PRKCH: variants seen among roughly 807,000 people sequenced by gnomAD.
PRKCH encodes the protein protein kinase C eta type.
Under a neutral mutation model 82.5 loss-of-function variants are expected in PRKCH, and 28 were observed. That is an observed-to-expected ratio of 0.34 (90% CI 0.25 to 0.47). The LOEUF (loss-of-function observed/expected upper bound fraction) is 0.47, where lower values mean the gene tolerates loss of function less well. Among genes scored for constraint, PRKCH ranks in the 20% least tolerant of loss-of-function variants. The pLI, the probability that PRKCH is intolerant of heterozygous loss-of-function variation, is 1.00. For synonymous variants in PRKCH, 322 were observed against 327.4 expected (o/e 0.98, Z 0.18); for missense variants, 705 against 881.8 (o/e 0.80, Z 2.54).
At chr14:61,376,751 G>A (rs1219861068) in intron 1 of PRKCH, among the ~76,000 whole-genome samples, 1 of 152,136 alleles carries the variant, frequency 6.6e-6, no homozygotes, top group Non-Finnish European at 1.5e-5. Flanking sequence ...ACTGTTGCTA[G>A]CCTAATTATT....
intron 1 of PRKCH, among the ~76,000 whole-genome samples, chr14:61,217,737 A>G (rs2044625479): frequency 6.6e-6 from 1 of 152,220 alleles, no homozygotes; most frequent in Admixed American, 6.5e-5. Context: ...TGAAAGAATG[A>G]AAACATTGTC....
At chr14:61,343,019 T>C (rs1180745107) in intron 1 of PRKCH, among the ~76,000 whole-genome samples, 1 of 152,186 alleles carries the variant, frequency 6.6e-6, no homozygotes, top group African/African-American at 2.4e-5. Context: ...GGATCCGATA[T>C]TGTTCTGAAA....
chr14:61,476,461 C>G (rs188104085), intron 9 of PRKCH: 1 of 152,350 alleles, frequency 6.6e-6, no homozygotes, highest in African/African-American at 2.4e-5. Flanking sequence ...GACTTGTGCT[C>G]TGACTCTGCT....
At chr14:61,401,301 T>C (rs139035103) in intron 2 of PRKCH, among the ~76,000 whole-genome samples, 4 of 152,350 alleles carry the variant, frequency 2.6e-5, no homozygotes, top group African/African-American at 9.6e-5. Flanking sequence ...ATAGGTATGA[T>C]AGCTCTATTT....
intron 1 of PRKCH, among the ~76,000 whole-genome samples, chr14:61,308,194 T>C (rs1436749104): frequency 6.6e-6 from 1 of 152,194 alleles, no homozygotes; most frequent in African/African-American, 2.4e-5. Context: ...ATATAATGCA[T>C]TGAGTCTCTG....
intron 1 of PRKCH, among the ~76,000 whole-genome samples, chr14:61,352,442 C>T (rs2046089789): frequency 6.6e-6 from 1 of 151,918 alleles, no homozygotes; most frequent in Non-Finnish European, 1.5e-5. Context: ...GCAGATGGAT[C>T]ATTTGAGGGC....
intron 4 of PRKCH, among the ~76,000 whole-genome samples, 170 bp downstream of exon 4, chr14:61,445,896 A>G (rs1884197436): frequency 1.3e-5 from 2 of 152,200 alleles, no homozygotes; most frequent in Admixed American, 6.5e-5. Flanking sequence ...GATCTTGGCC[A>G]TATTTTAGAC....
At chr14:61,287,989 C>T (rs2045329817) in intron 1 of PRKCH, among the ~76,000 whole-genome samples, 1 of 152,094 alleles carries the variant, frequency 6.6e-6, no homozygotes, top group Non-Finnish European at 1.5e-5. Flanking sequence ...TCTTACGTAT[C>T]AGGTAAATAA....
At chr14:61,389,516 T>TCTCTAC (rs1306155334) in intron 1 of PRKCH, among the ~76,000 whole-genome samples, 1 of 151,850 alleles carries the variant, frequency 6.6e-6, no homozygotes, top group Non-Finnish European at 1.5e-5. Context: ...TGAGACCTTG[T>TCTCTAC]CTCTACATAC....
intron 10 of PRKCH, among the ~76,000 whole-genome samples, chr14:61,521,089 C>T (rs1265398213): frequency 6.6e-6 from 1 of 152,102 alleles, no homozygotes; most frequent in Non-Finnish European, 1.5e-5. Context: ...ATGTCCAAGA[C>T]AATTGTTGAG....
intron 1 of PRKCH, among the ~76,000 whole-genome samples, chr14:61,267,569 T>A (rs2045114613): frequency 6.6e-6 from 1 of 152,222 alleles, no homozygotes; most frequent in East Asian, 1.9e-4. Flanking sequence ...AGGAGCTGAT[T>A]CATGTTGGCA....
intron 1 of PRKCH, among the ~76,000 whole-genome samples, chr14:61,196,398 G>T (rs974978719): frequency 6.6e-6 from 1 of 152,128 alleles, no homozygotes; most frequent in African/African-American, 2.4e-5. Context: ...TTAGGTAATT[G>T]CTTTACATAT....
intron 12 of PRKCH, among the ~76,000 whole-genome samples, chr14:61,546,589 G>A (rs930298707): frequency 1.3e-5 from 2 of 152,160 alleles, no homozygotes; most frequent in African/African-American, 4.8e-5. Context: ...GGCAGTGGGA[G>A]GTACCTCCAA....
At chr14:61,443,606 C>T (rs1045906369) in intron 3 of PRKCH, among the ~76,000 whole-genome samples, 1 of 152,150 alleles carries the variant, frequency 6.6e-6, no homozygotes, top group Non-Finnish European at 1.5e-5. Context: ...AAAGAATAAT[C>T]AACAGTATTG....
intron 1 of PRKCH, among the ~76,000 whole-genome samples, chr14:61,327,933 A>G (rs546678154): frequency 8.5e-5 from 13 of 152,368 alleles, no homozygotes; most frequent in Admixed American, 2.0e-4. Context: ...AAATCAATCA[A>G]TGACATACCA....
At chr14:61,222,458 A>G (rs2044663079) in intron 1 of PRKCH, among the ~76,000 whole-genome samples, 1 of 152,138 alleles carries the variant, frequency 6.6e-6, no homozygotes, top group Non-Finnish European at 1.5e-5. Flanking sequence ...ACTCCCTCAT[A>G]TCCATGGACT....
At chr14:61,458,022 T>C (rs1884858911) in intron 9 of PRKCH, among the ~76,000 whole-genome samples, 1 of 152,216 alleles carries the variant, frequency 6.6e-6, no homozygotes, top group African/African-American at 2.4e-5. Context: ...GGGCTCATTG[T>C]CTTGATGAAT....
Position 61,215,892 on chromosome 14 carries a change from C to A in PRKCH, c.-19+28224C>A, listed in dbSNP as rs1327367588. On this transcript the variant is annotated intron_variant, in intron 1 of 3. Coordinates refer to the PRKCH transcript ENST00000555185. Reference sequence around the variant, plus strand: ...TCCAATTTTGTGTAATATAGAATACCCTTGTGCCAGTCGCAGAATTGAGAC... The same window carrying A: ...TCCAATTTTGTGTAATATAGAATACACTTGTGCCAGTCGCAGAATTGAGAC... 2.0e-5 allele frequency among the ~76,000 whole-genome samples: 3 copies of A among 152,248 alleles called. No individual in the cohort carries two copies. The South Asian group carries it at 6.2e-4, about 32-fold the overall frequency.
Position 61,232,311 on chromosome 14 carries a change from C to T in PRKCH, c.-19+44643C>T, listed in dbSNP as rs554588924. ...AATGATCTCGGCTCACTGCAACCTA[C>T]GCCTCCTGAGTTCAAACAATTCTTG... On this transcript the variant is annotated intron_variant, in intron 1 of 3. Transcript: ENST00000555185. Among the ~76,000 whole-genome samples the T allele has an allele frequency of 7.9e-5, 12 of 152,336 alleles. No homozygotes were observed. The East Asian group carries it at 1.9e-3, about 24-fold the overall frequency.
Sources: allele counts gnomAD v4.1 joint callset (sites outside exome capture counted in the v4.1 genomes callset), GRCh38; gene constraint gnomAD v4.1.1; transcripts MANE v1.5; gene names NCBI Gene and HGNC (gene_info 2026-07-23, HGNC 2026-07-21).